Variants in ABCC6 observed in about 807,000 individuals in gnomAD.
ABCC6 encodes ATP binding cassette subfamily C member 6, also known as ATP-binding cassette sub-family C member 6.
Under a neutral mutation model 169.5 loss-of-function variants are expected in ABCC6, and 126 were observed. The ratio of observed to expected loss-of-function variants is 0.74; its 90% CI spans 0.64 to 0.86. The LOEUF (loss-of-function observed/expected upper bound fraction) is 0.86, where lower values mean the gene tolerates loss of function less well. Among genes scored for constraint, ABCC6 ranks in the 40% least tolerant of loss-of-function variants. The probability of loss-of-function intolerance (pLI) is 0.00; values close to 1 mark genes in which losing one functional copy is unlikely to be tolerated. For synonymous variants in ABCC6, 752 were observed against 814.7 expected (o/e 0.92, Z 1.31); for missense variants, 1,733 against 1,927.2 (o/e 0.90, Z 1.89).
At chr16:16,221,918 T>A in intron 1 of ABCC6, 87 bp from the exon 2 acceptor site, 5 of 1,607,048 alleles carry the variant, frequency 3.1e-6, no homozygotes, top group Middle Eastern at 2.2e-4. Flanking sequence ...ACTTTTTGGA[T>A]CTTTAACATT....
At chr16:16,205,696 T>G (rs2048372056) in intron 7 of ABCC6, among the ~76,000 whole-genome samples, 1 of 152,206 alleles carries the variant, frequency 6.6e-6, no homozygotes, top group Non-Finnish European at 1.5e-5. Flanking sequence ...ATTCATTGCC[T>G]TCACAGCCAT....
chr16:16,199,281 G>GA (rs200997283), intron 9 of ABCC6, among the ~76,000 whole-genome samples: 3,094 of 145,698 alleles, frequency 0.021, 70 homozygotes, highest in Middle Eastern at 0.046. Flanking sequence ...GTATTAGAGT[G>GA]AAAAAAAAAT....
chr16:16,185,120 C>G, intron 14 of ABCC6, 86 bp from the exon 15 acceptor site: 5 of 1,119,780 alleles, frequency 4.5e-6, no homozygotes, highest in East Asian at 2.5e-5. Flanking sequence ...CATCCCCCGC[C>G]CCCCCCAGGG....
rs567667975 is a variant in ABCC6 at position 16,167,360 on chromosome 16, C to T, written c.2996-1427G>A. Reference sequence around the variant, plus strand: ...GCTGTCACAGAGGAGGGAAATAAAGCGATTTCTTGTTTGGACCCCTACATC... The same window carrying T: ...GCTGTCACAGAGGAGGGAAATAAAGTGATTTCTTGTTTGGACCCCTACATC... On this transcript the variant is annotated intron_variant, in intron 22 of 30. Coordinates refer to ENST00000205557, the MANE Select transcript of ABCC6 (RefSeq NM_001171.6). Among the ~76,000 whole-genome samples, 23 of 152,286 alleles carry T rather than the reference C, an allele frequency of 1.5e-4. No homozygotes were observed. In the South Asian group the frequency reaches 3.5e-3, roughly 23 times the overall value.
chr16:16,208,315 G>A (rs1042332955), intron 7 of ABCC6, among the ~76,000 whole-genome samples: 5 of 152,100 alleles, frequency 3.3e-5, no homozygotes, highest in African/African-American at 9.7e-5. Context: ...AGCGTTGGGG[G>A]CTGGACTGGG....
At chr16:16,220,714 G>A (rs1432795427) in intron 2 of ABCC6, among the ~76,000 whole-genome samples, 3 of 152,180 alleles carry the variant, frequency 2.0e-5, no homozygotes, top group East Asian at 1.9e-4. Context: ...TGGCCAACAT[G>A]GCGAAACCCT....
intron 9 of ABCC6, among the ~76,000 whole-genome samples, chr16:16,200,388 C>G (rs556533531): frequency 6.8e-6 from 1 of 146,968 alleles, no homozygotes; most frequent in African/African-American, 2.5e-5. Context: ...GGGACTGTGC[C>G]ACTGCACTCC....
Position 16,154,921 on chromosome 16 carries a change from G to C in ABCC6, c.3993C>G (p.Ala1331=). 3 of 1,608,524 alleles carry C rather than the reference G, an allele frequency of 1.9e-6. No homozygotes were observed. Among genetic ancestry groups the C allele is most frequent in the Non-Finnish European group, 2.5e-6 (3 of 1,177,708 alleles). ...AGCGCAGTGTGTGCAGCCCCACGTG[G>C]GCAATGGGGACCCCGTCGATCCAGA... ...GGIWIDGVPI[A]HVGLHTLRSR... Residue 1331 remains alanine, a synonymous_variant, in exon 28 of 31, where the codon GCC becomes GCG. Coordinates refer to ENST00000205557, the MANE Select transcript of ABCC6 (RefSeq NM_001171.6).
chr16:16,194,305 A>G (rs2047963142), intron 10 of ABCC6, among the ~76,000 whole-genome samples: 1 of 152,258 alleles, frequency 6.6e-6, no homozygotes, highest in Non-Finnish European at 1.5e-5. Flanking sequence ...ATCATCATAC[A>G]GAATGCCCAG....
Position 16,157,790 on chromosome 16 carries a change from G to A in ABCC6, c.3755C>T (p.Thr1252Ile), listed in dbSNP as rs143212758. 82 of 1,612,676 alleles carry A rather than the reference G, an allele frequency of 5.1e-5. No individual in the cohort carries two copies. Among genetic ancestry groups the A allele is most frequent in the Middle Eastern group, 4.9e-4 (3 of 6,062 alleles). ...TPKEAPWRLPTCAAQPPWPQG... is the reference protein window; with the variant it reads ...TPKEAPWRLPICAAQPPWPQG... The stretch of plus-strand genomic sequence containing the variant: ...AGGCCAGGGGGGCTGAGCTGCACAT[G>A]TGGGCAGCCTCCAGGGAGCCTGGAG... The change falls in exon 27 of 31, where the codon ACA becomes ATA. Residue 1252 changes from threonine (T) to isoleucine (I), a missense_variant. Coordinates refer to ENST00000205557, the MANE Select transcript of ABCC6 (RefSeq NM_001171.6).
At chr16:16,159,447 T>G in intron 26 of ABCC6, 35 bp downstream of exon 26, 16 of 1,576,622 alleles carry the variant, frequency 1.0e-5, no homozygotes, top group Non-Finnish European at 1.4e-5. Flanking sequence ...CAATATGTCC[T>G]TGCTGGGACC....
Position 16,154,732 on chromosome 16 carries a change from G to T in ABCC6, c.4104C>A (p.Asp1368Glu), listed in dbSNP as rs199668617. ...MNLDLLQEHSDEAIWAALETV... is the reference protein window; with the variant it reads ...MNLDLLQEHSEEAIWAALETV... ...TCTCCAGGGCTGCCCAGATAGCCTC[G>T]TCCGAGTGCTCCTGCAGCAGGTCGA... is the stretch of plus-strand genomic sequence containing the variant. Residue 1368 changes from aspartate (D) to glutamate (E), a missense_variant, in exon 29 of 31, where the codon GAC (aspartate) becomes GAA (glutamate). By Grantham distance (45) the Asp-to-Glu change is conservative. Transcript: ENST00000205557. The T allele has an allele frequency of 9.3e-6, 15 of 1,613,218 alleles. No homozygotes were observed. Among genetic ancestry groups the T allele is most frequent in the Non-Finnish European group, 1.2e-5 (14 of 1,179,686 alleles).
chr16:16,156,591 A>G (rs1455652609), intron 27 of ABCC6, among the ~76,000 whole-genome samples: 7 of 152,162 alleles, frequency 4.6e-5, no homozygotes, highest in Non-Finnish European at 1.0e-4. Context: ...ACCCCAAGGG[A>G]AGCTGGAACT....
At chr16:16,215,114 T>TC (rs1436948057) in intron 4 of ABCC6, among the ~76,000 whole-genome samples, 2 of 152,156 alleles carry the variant, frequency 1.3e-5, no homozygotes, top group Non-Finnish European at 2.9e-5. Flanking sequence ...TCAACCCTGC[T>TC]CCCCCTTGGC....
chr16:16,151,015 G>A (rs1488138307), intron 29 of ABCC6, among the ~76,000 whole-genome samples: 2 of 152,108 alleles, frequency 1.3e-5, no homozygotes, highest in Admixed American at 6.5e-5. Context: ...TTCCCCACCT[G>A]TGAAATGGCT....
intron 13 of ABCC6, among the ~76,000 whole-genome samples, chr16:16,188,261 G>T (rs2047720915): frequency 6.6e-6 from 1 of 151,216 alleles, no homozygotes; most frequent in South Asian, 2.1e-4. Flanking sequence ...GCATGGTTGT[G>T]CATGCCTGTG....
chr16:16,189,070 C>T (rs916046569), intron 12 of ABCC6, 96 bp from the exon 13 acceptor site: 24 of 1,409,798 alleles, frequency 1.7e-5, no homozygotes, highest in Non-Finnish European at 2.2e-5. Flanking sequence ...GTCCATGTGG[C>T]CCACCCGCCA....
chr16:16,201,946 C>G, intron 9 of ABCC6, 55 bp downstream of exon 9: 1 of 1,607,782 alleles, frequency 6.2e-7, no homozygotes, highest in Middle Eastern at 1.7e-4. Flanking sequence ...ACTGCCCGCT[C>G]AGTGATACTG....
intron 18 of ABCC6, 119 bp downstream of exon 18, chr16:16,178,679 C>T: frequency 8.4e-7 from 1 of 1,186,060 alleles, no homozygotes; most frequent in Non-Finnish European, 1.3e-6. Context: ...CTGACCAATA[C>T]AAAGAGGAAA....
Sources: allele counts gnomAD v4.1 joint callset (sites outside exome capture counted in the v4.1 genomes callset), GRCh38; gene constraint gnomAD v4.1.1; transcripts MANE v1.5; gene names NCBI Gene and HGNC (gene_info 2026-07-23, HGNC 2026-07-21).